ADARB2: variants seen among roughly 807,000 people sequenced by gnomAD.
ADARB2 encodes adenosine deaminase RNA specific B2 (inactive), also known as inactive double-stranded RNA-specific editase B2.
A neutral mutation model predicts 62.2 loss-of-function variants in ADARB2; 25 were observed. The ratio of observed to expected loss-of-function variants is 0.40; its 90% CI spans 0.29 to 0.56. The LOEUF (loss-of-function observed/expected upper bound fraction) is 0.56. ADARB2 is among the 20% of genes least tolerant of loss of function. The pLI is 0.43. For missense variants in ADARB2, 1,071 were observed against 1,077.4 expected (o/e 0.99, Z 0.08); for synonymous variants, 572 against 500.8 (o/e 1.14, Z -1.90).
In ADARB2 at chr10:1,206,958, C is replaced by T. The variant is rs183818319; in HGVS notation, c.1683-6811G>A. ...GTGCTGGTGCAGGAGGGCAGAGCCG[C>T]GAAGGCAGCGGGGCTGCTGATTGTT... On this transcript the variant is annotated intron_variant, in intron 7 of 9. Coordinates refer to ENST00000381312, the MANE Select transcript of ADARB2 (RefSeq NM_018702.4). 5.9e-5 allele frequency among the ~76,000 whole-genome samples: 9 copies of T among 152,326 alleles called. No homozygotes were observed. The East Asian group carries it at 1.2e-3, about 20-fold the overall frequency.
chr10:1,531,610 G>C (rs1832241238), intron 1 of ADARB2, among the ~76,000 whole-genome samples: 1 of 152,168 alleles, frequency 6.6e-6, no homozygotes, highest in Admixed American at 6.5e-5. Context: ...GAGGCCGAGT[G>C]GGTGGATCAC....
chr10:1,635,242 T>C lies in ADARB2; in HGVS notation c.100+101809A>G, dbSNP rs566390899. Among the ~76,000 whole-genome samples, 3 of 152,354 alleles carry C rather than the reference T, an allele frequency of 2.0e-5. No individual in the cohort carries two copies. The South Asian group carries it at 6.2e-4, about 32-fold the overall frequency. On this transcript the variant is annotated intron_variant, in intron 1 of 9. Coordinates refer to ENST00000381312, the MANE Select transcript of ADARB2 (RefSeq NM_018702.4). Reference sequence around the variant, plus strand: ...TGATCACCTTCCTTCATTATTTAGATCATTTCTAGAGTGAAATGTTCCCAT... The same window carrying C: ...TGATCACCTTCCTTCATTATTTAGACCATTTCTAGAGTGAAATGTTCCCAT...
rs114503969 is a variant in ADARB2, at chr10:1,320,046, C to T, written c.1077+42982G>A. 1.9e-3 allele frequency among the ~76,000 whole-genome samples: 288 copies of T among 152,318 alleles called. 2 individuals are homozygous for T. The highest frequency in any genetic ancestry group is 6.1e-3 in the African/African-American group (252 of 41,558). ...TGGGGCTATGCTCATGTAGACCAGG[C>T]CTCAGCTCACCTCTTACTACTCCCT... is the stretch of plus-strand genomic sequence containing the variant. On this transcript the variant is annotated intron_variant, in intron 3 of 9. Transcript: ENST00000381312.
chr10:1,445,197 C>A (rs1412073961), intron 1 of ADARB2, among the ~76,000 whole-genome samples: 6 of 95,262 alleles, frequency 6.3e-5, no homozygotes, highest in East Asian at 4.0e-4. Context: ...ACCCACCAAC[C>A]CATCCATCCA....
intron 4 of ADARB2, among the ~76,000 whole-genome samples, chr10:1,243,768 C>T (rs988744987): frequency 3.3e-5 from 5 of 152,232 alleles, no homozygotes; most frequent in African/African-American, 1.2e-4. Context: ...CCAGGCAAAG[C>T]GGTCTAGCAC....
intron 1 of ADARB2, among the ~76,000 whole-genome samples, chr10:1,660,197 C>T (rs1241060770): frequency 1.3e-5 from 2 of 152,214 alleles, no homozygotes. Context: ...ATAGAAGCTC[C>T]CTGTGACCGA....
chr10:1,642,227 C>A (rs1833986797), intron 1 of ADARB2, among the ~76,000 whole-genome samples: 1 of 147,610 alleles, frequency 6.8e-6, no homozygotes, highest in African/African-American at 2.7e-5. Context: ...CGGATTTTGG[C>A]TACCTTATAT....
chr10:1,188,174 C>T (rs575642730), intron 8 of ADARB2: 1 of 152,598 alleles, frequency 6.6e-6, no homozygotes, highest in East Asian at 1.9e-4. Context: ...CAGGTGACTT[C>T]TCTACTTCAC....
intron 1 of ADARB2, among the ~76,000 whole-genome samples, chr10:1,501,481 G>A (rs1231326929): frequency 6.6e-6 from 1 of 152,154 alleles, no homozygotes; most frequent in Non-Finnish European, 1.5e-5. Flanking sequence ...CACTGGAGGT[G>A]GAACTCAAGA....
intron 3 of ADARB2, among the ~76,000 whole-genome samples, chr10:1,285,467 C>T (rs1381468735): frequency 2.0e-5 from 3 of 152,190 alleles, no homozygotes; most frequent in Admixed American, 1.3e-4. Context: ...TATGAATGCA[C>T]AAATGGGCAC....
intron 3 of ADARB2, among the ~76,000 whole-genome samples, chr10:1,322,072 A>G (rs1184617774): frequency 6.6e-6 from 1 of 151,904 alleles, no homozygotes; most frequent in Non-Finnish European, 1.5e-5. Flanking sequence ...AGGAGACACC[A>G]GTTGGTACCT....
chr10:1,505,537 C>T (rs528410515), intron 1 of ADARB2, among the ~76,000 whole-genome samples: 1 of 152,366 alleles, frequency 6.6e-6, no homozygotes, highest in African/African-American at 2.4e-5. Context: ...AACACTCGTT[C>T]TGCCTGAATT....
intron 1 of ADARB2, among the ~76,000 whole-genome samples, chr10:1,639,024 A>G (rs1435376415): frequency 6.6e-6 from 1 of 152,230 alleles, no homozygotes. Flanking sequence ...CATCAGGGCC[A>G]TACCCTCATC....
chr10:1,630,247 G>A (rs909691764), intron 1 of ADARB2, among the ~76,000 whole-genome samples: 2 of 152,198 alleles, frequency 1.3e-5, no homozygotes, highest in East Asian at 3.9e-4. Context: ...ACTAGAGCTT[G>A]GCCCTCCCGA....
At chr10:1,715,453 G>T (rs1564202783) in intron 1 of ADARB2, among the ~76,000 whole-genome samples, 1 of 151,684 alleles carries the variant, frequency 6.6e-6, no homozygotes, top group African/African-American at 2.4e-5. Context: ...AACTTTCAAG[G>T]TTGTTTAATA....
At chr10:1,474,096 T>C (rs113203512) in intron 1 of ADARB2, among the ~76,000 whole-genome samples, 2,820 of 151,216 alleles carry the variant, frequency 0.019, 77 homozygotes, top group African/African-American at 0.065. Flanking sequence ...TGCTCTTCGG[T>C]TGCTGGCATC....
At chr10:1,685,671 G>A (rs61831977) in intron 1 of ADARB2, among the ~76,000 whole-genome samples, 13,502 of 152,240 alleles carry the variant, frequency 0.089, 767 homozygotes, top group East Asian at 0.22. Flanking sequence ...ACAGCACAAA[G>A]TCAACAGAGA....
At chr10:1,676,036 T>C (rs1834463244) in intron 1 of ADARB2, 1 of 985,272 alleles carries the variant, frequency 1.0e-6, no homozygotes, top group Non-Finnish European at 1.2e-6. Flanking sequence ...GGCGCGTTTC[T>C]AACTCTTGAC....
At chr10:1,584,968 G>A (rs1056752294) in intron 1 of ADARB2, among the ~76,000 whole-genome samples, 14 of 152,156 alleles carry the variant, frequency 9.2e-5, no homozygotes, top group African/African-American at 3.1e-4. Flanking sequence ...GTAAACAAGT[G>A]GAGTACATGG....
Sources: gnomAD v4.1 joint callset for allele counts (sites outside exome capture counted in the v4.1 genomes callset) on GRCh38, gnomAD v4.1.1 for gene constraint, MANE v1.5 for transcripts, NCBI Gene and HGNC (gene_info 2026-07-23, HGNC 2026-07-21) for gene names.